The following CRISPLD1 variants were observed in gnomAD, a reference collection of about 807,000 sequenced individuals.
The protein encoded by CRISPLD1 is cysteine rich secretory protein LCCL domain containing 1, also known as cysteine-rich secretory protein LCCL domain-containing 1.
Under a neutral mutation model 77.5 loss-of-function variants are expected in CRISPLD1, and 60 were observed. That is an observed-to-expected ratio of 0.77 (90% confidence interval 0.63 to 0.96). CRISPLD1 has a LOEUF of 0.96. CRISPLD1 is among the 40% of genes least tolerant of loss of function. The probability of loss-of-function intolerance (pLI) is 0.00; values close to 1 mark genes in which losing one functional copy is unlikely to be tolerated. For synonymous variants in CRISPLD1, 195 were observed against 200.1 expected, an observed-to-expected ratio of 0.97 and a Z score of 0.22; for missense variants, 623 against 615.8, an observed-to-expected ratio of 1.01 and a Z score of -0.12.
intron 2 of CRISPLD1, among the ~76,000 whole-genome samples, chr8:75,005,527 C>T (rs1812813992): frequency 6.6e-6 from 1 of 151,988 alleles, no homozygotes; most frequent in Non-Finnish European, 1.5e-5. Context: ...AAATTGATCA[C>T]GAATGCCCTT....
Position 75,012,883 on chromosome 8 carries a change from C to T in CRISPLD1, c.378-7C>T, listed in dbSNP as rs952211532. 4 of 1,602,528 alleles carry T rather than the reference C, an allele frequency of 2.5e-6. No homozygotes were observed. In the Admixed American group the frequency reaches 5.2e-5, roughly 21 times the overall value. On this transcript the variant is annotated splice_region_variant and splice_polypyrimidine_tract_variant and intron_variant, in intron 3 of 14. Coordinates refer to ENST00000262207, the MANE Select transcript of CRISPLD1 (RefSeq NM_031461.6). The stretch of plus-strand genomic sequence containing the variant: ...CTTGCCCTCTGTGACTATTTTCTTT[C>T]TAATAGATATAGGCCCCCGACGTTT...
chr8:75,018,181 A>G (rs1396148868), intron 10 of CRISPLD1, among the ~76,000 whole-genome samples: 1 of 152,178 alleles, frequency 6.6e-6, no homozygotes, highest in Non-Finnish European at 1.5e-5. Context: ...ATGAAACTTC[A>G]CAGTGGGGTT....
At chr8:74,986,678 G>A (rs576138602) in intron 2 of CRISPLD1, among the ~76,000 whole-genome samples, 1 of 152,222 alleles carries the variant, frequency 6.6e-6, no homozygotes, top group South Asian at 2.1e-4. Flanking sequence ...ATGGGTCTTT[G>A]TTTCTTATAA....
intron 2 of CRISPLD1, among the ~76,000 whole-genome samples, chr8:74,999,713 C>T (rs1415104338): frequency 1.3e-5 from 2 of 151,724 alleles, no homozygotes; most frequent in East Asian, 3.9e-4. Flanking sequence ...ACATTCGCCT[C>T]CCTTTTTATA....
At chr8:75,022,112 C>G (rs34637388) in intron 12 of CRISPLD1, among the ~76,000 whole-genome samples, 2 of 151,986 alleles carry the variant, frequency 1.3e-5, no homozygotes, top group Non-Finnish European at 2.9e-5. Flanking sequence ...AGCAAAACAT[C>G]GAAATAAGGA....
chr8:75,016,447 C>T, intron 6 of CRISPLD1, 118 bp from the exon 7 acceptor site: 2 of 1,011,840 alleles, frequency 2.0e-6, no homozygotes, highest in South Asian at 4.3e-5. Context: ...TGCAGAAAAA[C>T]AGTACTGATT....
At position 75,032,367 on chromosome 8, in the gene CRISPLD1, G is replaced by A. The variant is rs1813366456; in HGVS notation, c.*125G>A. The A allele has an allele frequency of 3.8e-6, 2 of 526,648 alleles. No individual in the cohort carries two copies. The highest frequency in any genetic ancestry group is 6.5e-6 in the Non-Finnish European group (2 of 307,240). 32.6% of individuals were successfully genotyped at this position (526,648 alleles called of 1,614,324 possible). A position where few individuals can be genotyped will look rare whatever the true frequency, so the allele number is the denominator to read the frequency against. ...TTTTCAGCCCAAAAAGGTGCCAAAT[G>A]CATATAAATCTTGATAAACAAAGTC... On this transcript the variant is annotated 3_prime_UTR_variant, in exon 15 of 15. Coordinates refer to ENST00000262207, the MANE Select transcript of CRISPLD1 (RefSeq NM_031461.6).
chr8:75,003,885 AT>A (rs1368453565), intron 2 of CRISPLD1, among the ~76,000 whole-genome samples: 49 of 152,300 alleles, frequency 3.2e-4, no homozygotes, highest in African/African-American at 1.2e-3. Context: ...CACAAAGACA[AT>A]AAGCCCTATG....
At chr8:75,002,610 G>C (rs1471874812) in intron 2 of CRISPLD1, among the ~76,000 whole-genome samples, 1 of 151,890 alleles carries the variant, frequency 6.6e-6, no homozygotes, top group Non-Finnish European at 1.5e-5. Context: ...GGCTGGTGAA[G>C]ACAGGTGCCT....
In CRISPLD1 at chr8:75,019,530, T is replaced by C. The variant is rs541873859; in HGVS notation, c.1128-340T>C. ...TCCTGTTGTGAAAGACTAAATAGTT[T>C]GGTCCCGTGGAGGCAGGAAATTAGT... On this transcript the variant is annotated intron_variant, in intron 10 of 14. Transcript: ENST00000262207. Among the ~76,000 whole-genome samples, 19 of 152,222 alleles carry C rather than the reference T, an allele frequency of 1.2e-4. No individual in the cohort carries two copies. In the East Asian group the frequency reaches 3.7e-3, roughly 29 times the overall value.
intron 12 of CRISPLD1, among the ~76,000 whole-genome samples, chr8:75,024,252 C>T (rs1458775957): frequency 6.6e-6 from 1 of 152,174 alleles, no homozygotes; most frequent in Non-Finnish European, 1.5e-5. Flanking sequence ...TTGTCATTTA[C>T]TCTGAATGTG....
At position 75,032,307 on chromosome 8, in the gene CRISPLD1, A is replaced by G; in HGVS notation, c.*65A>G. ...ATGCAATATTTCTGAATTTTGTATA[A>G]AACTGTAACATTACTGTACAGAGTA... is the stretch of plus-strand genomic sequence containing the variant. On this transcript the variant is annotated 3_prime_UTR_variant, in exon 15 of 15. Transcript: ENST00000262207. 7 of 1,277,704 alleles carry G rather than the reference A, an allele frequency of 5.5e-6. No homozygotes were observed. Among genetic ancestry groups the G allele is most frequent in the Non-Finnish European group, 7.9e-6 (7 of 889,906 alleles). 79.1% of individuals were successfully genotyped at this position (1,277,704 alleles called of 1,614,324 possible).
chr8:74,986,585 A>G (rs968113892), intron 2 of CRISPLD1, among the ~76,000 whole-genome samples: 3 of 152,198 alleles, frequency 2.0e-5, no homozygotes, highest in African/African-American at 7.2e-5. Context: ...TCCTGATAGA[A>G]CCTTTTTATG....
At chr8:75,018,021 C>T (rs376652861) in intron 10 of CRISPLD1, among the ~76,000 whole-genome samples, 24 of 152,064 alleles carry the variant, frequency 1.6e-4, no homozygotes, top group Admixed American at 4.6e-4. Context: ...TTACATGTAC[C>T]GTATAGAAAG....
At position 75,013,033 on chromosome 8, in the gene CRISPLD1, G is replaced by T; in HGVS notation, c.510+11G>T. On this transcript the variant is annotated intron_variant, in intron 4 of 14. Coordinates refer to ENST00000262207, the MANE Select transcript of CRISPLD1 (RefSeq NM_031461.6). ...ACACATTATACACAGGTATGTTTGG[G>T]GGGTATTATACTTAATTCCCCCAAA... 1.3e-6 allele frequency: 2 copies of T among 1,555,806 alleles called. No individual in the cohort carries two copies. Among genetic ancestry groups the T allele is most frequent in the Non-Finnish European group, 1.7e-6 (2 of 1,144,904 alleles).
chr8:75,023,200 A>G lies in CRISPLD1; in HGVS notation c.1245-2346A>G, dbSNP rs143421808. Among the ~76,000 whole-genome samples, 371 of 152,318 alleles carry G rather than the reference A, an allele frequency of 2.4e-3. 2 individuals carry two copies. The highest frequency in any genetic ancestry group is 7.6e-3 in the African/African-American group (317 of 41,574). On this transcript the variant is annotated intron_variant, in intron 12 of 14. Transcript: ENST00000262207. Reference sequence around the variant, plus strand: ...CTTCCCCCAATCTTTGTTTTACCTGAACTCATCTAAGTAGAAACTAACTCA... The same window carrying G: ...CTTCCCCCAATCTTTGTTTTACCTGGACTCATCTAAGTAGAAACTAACTCA...
chr8:75,026,819 T>A (rs1461129342), intron 13 of CRISPLD1: 1 of 152,212 alleles, frequency 6.6e-6, no homozygotes, highest in East Asian at 1.9e-4. Flanking sequence ...TTGCAGTTAT[T>A]TTCCAATTCT....
chr8:75,030,597 A>C (rs892740518), intron 14 of CRISPLD1, among the ~76,000 whole-genome samples: 2 of 152,076 alleles, frequency 1.3e-5, no homozygotes, highest in Admixed American at 1.3e-4. Flanking sequence ...TGAATATTCC[A>C]GATGTTAGAT....
chr8:75,015,496 CATAAAG>C (rs1384147651), intron 6 of CRISPLD1, among the ~76,000 whole-genome samples: 12 of 152,284 alleles, frequency 7.9e-5, no homozygotes, highest in Middle Eastern at 3.4e-3. Flanking sequence ...GTTTATAGCA[CATAAAG>C]ATAAACTGTT....
Sources: gnomAD v4.1 joint callset for allele counts (sites outside exome capture counted in the v4.1 genomes callset) on GRCh38, gnomAD v4.1.1 for gene constraint, MANE v1.5 for transcripts, NCBI Gene and HGNC (gene_info 2026-07-23, HGNC 2026-07-21) for gene names.